DOP1B: variants seen among roughly 807,000 people sequenced by gnomAD.
DOP1B encodes the protein protein DOP1B.
Under a neutral mutation model 233.5 loss-of-function variants are expected in DOP1B, and 174 were observed. The observed-to-expected ratio is 0.75, with a 90% confidence interval of 0.66 to 0.85. The LOEUF is 0.85. Among genes scored for constraint, DOP1B ranks in the 40% least tolerant of loss-of-function variants. The pLI, the probability that DOP1B is intolerant of heterozygous loss-of-function variation, is 0.00. For synonymous variants in DOP1B, 1,190 were observed against 1,185.6 expected (o/e 1.00, Z -0.08); for missense variants, 2,652 against 2,846.6 (o/e 0.93, Z 1.56).
At chr21:36,187,258 C>T (rs1457307093) in intron 2 of DOP1B, among the ~76,000 whole-genome samples, 5 of 117,392 alleles carry the variant, frequency 4.3e-5, no homozygotes, top group South Asian at 6.0e-4. Flanking sequence ...CTGTGGCCAG[C>T]GCCCATTCAT....
chr21:36,174,999 C>T (rs1029570657), intron 2 of DOP1B, among the ~76,000 whole-genome samples: 1 of 152,290 alleles, frequency 6.6e-6, no homozygotes, highest in Non-Finnish European at 1.5e-5. Context: ...ATCAACGTGT[C>T]GGCAGGGTTG....
intron 10 of DOP1B, among the ~76,000 whole-genome samples, chr21:36,222,816 A>G (rs2066641591): frequency 2.0e-5 from 3 of 151,436 alleles, no homozygotes; most frequent in Non-Finnish European, 4.4e-5. Flanking sequence ...GCTCACTGCA[A>G]CCTCCGCCTC....
chr21:36,255,221 C>T (rs1415335649), intron 23 of DOP1B, among the ~76,000 whole-genome samples: 1 of 151,902 alleles, frequency 6.6e-6, no homozygotes, highest in East Asian at 1.9e-4. Flanking sequence ...CAACCCCGCC[C>T]CTGGGGTTCA....
rs145748105 is a variant in DOP1B at position 36,260,035 on chromosome 21, C to T, written c.5260-642C>T. On this transcript the variant is annotated intron_variant, in intron 23 of 36. Transcript: ENST00000691173. ...AGAACTAGAATTTTTTGGCCGGGTG[C>T]GGTGGTTCTACTTGGGAGGCTGAGG... is the stretch of plus-strand genomic sequence containing the variant. Among the ~76,000 whole-genome samples the T allele has an allele frequency of 1.3e-3, 193 of 151,324 alleles. 1 individual carries two copies. Among genetic ancestry groups the T allele is most frequent in the African/African-American group, 4.0e-3 (164 of 41,258 alleles).
At chr21:36,169,980 C>T in intron 2 of DOP1B, 1 of 762,936 alleles carries the variant, frequency 1.3e-6, no homozygotes, top group Non-Finnish European at 2.5e-6. Flanking sequence ...CCTTCACTTT[C>T]ACCTTGGATC....
In DOP1B at chr21:36,206,609, G is replaced by A. The variant is rs112296967; in HGVS notation, c.492-2106G>A. 5.9e-5 allele frequency among the ~76,000 whole-genome samples: 9 copies of A among 152,204 alleles called. 1 individual carries two copies. The highest frequency in any genetic ancestry group is 1.9e-4 in the East Asian group (1 of 5,182). On this transcript the variant is annotated intron_variant, in intron 4 of 36. Transcript: ENST00000691173. ...ATATTGAAGAGACAACATAGGCAGCGTTTCCCATACTTTTTGAGGGTGGAA... is the reference window on the plus strand; with the variant it reads ...ATATTGAAGAGACAACATAGGCAGCATTTCCCATACTTTTTGAGGGTGGAA...
At chr21:36,199,593 G>A (rs144281100) in intron 3 of DOP1B, among the ~76,000 whole-genome samples, 1 of 150,064 alleles carries the variant, frequency 6.7e-6, no homozygotes, top group African/African-American at 2.5e-5. Context: ...CCACTCCCCC[G>A]ACCCCATGAC....
chr21:36,281,978 A>C (rs924381463), intron 32 of DOP1B, among the ~76,000 whole-genome samples: 1 of 152,160 alleles, frequency 6.6e-6, no homozygotes, highest in Non-Finnish European at 1.5e-5. Flanking sequence ...CACTGCCCCC[A>C]CACACAGATA....
At chr21:36,290,580 C>G (rs2067544271) in intron 35 of DOP1B, among the ~76,000 whole-genome samples, 1 of 152,070 alleles carries the variant, frequency 6.6e-6, no homozygotes, top group South Asian at 2.1e-4. Context: ...GGTTGGATCA[C>G]CTGAGTTTGG....
chr21:36,251,382 G>A (rs2123607900), intron 22 of DOP1B, 98 bp downstream of exon 22: 1 of 1,449,358 alleles, frequency 6.9e-7, no homozygotes, highest in Non-Finnish European at 9.2e-7. Flanking sequence ...AGCCAGCATG[G>A]GAAACTATTG....
chr21:36,234,356 GAAGA>G (rs374725428), intron 15 of DOP1B, among the ~76,000 whole-genome samples: 38 of 152,106 alleles, frequency 2.5e-4, no homozygotes, highest in African/African-American at 8.9e-4. Context: ...GGAGAAAAAA[GAAGA>G]AAGAATTGAG....
intron 4 of DOP1B, among the ~76,000 whole-genome samples, chr21:36,202,080 G>C (rs544640482): frequency 1.3e-5 from 2 of 152,114 alleles, no homozygotes. Context: ...CCAGCTACTT[G>C]GGAGGCTGAG....
rs201928999 is a variant in DOP1B at position 36,268,167 on chromosome 21, C to T, written c.5488-1846C>T. On this transcript the variant is annotated intron_variant, in intron 26 of 36. Transcript: ENST00000691173. ...TACTGCAGGAGACCAGGGCGTATCT[C>T]AGTCCTTATCTCAACCGCATAAGAC... is the stretch of plus-strand genomic sequence containing the variant. Among the ~76,000 whole-genome samples, 6 of 152,240 alleles carry T rather than the reference C, an allele frequency of 3.9e-5. No homozygotes were observed. The East Asian group carries it at 1.2e-3, about 29-fold the overall frequency.
chr21:36,182,910 C>G (rs1247941660), intron 2 of DOP1B, among the ~76,000 whole-genome samples: 1 of 152,222 alleles, frequency 6.6e-6, no homozygotes, highest in Non-Finnish European at 1.5e-5. Context: ...TGAGCCCTTG[C>G]AGGAACCAAA....
At chr21:36,199,519 G>A (rs897362250) in intron 3 of DOP1B, among the ~76,000 whole-genome samples, 1 of 151,874 alleles carries the variant, frequency 6.6e-6, no homozygotes, top group Non-Finnish European at 1.5e-5. Flanking sequence ...CATGTGCCAT[G>A]TTGGTGTGCT....
intron 5 of DOP1B, among the ~76,000 whole-genome samples, chr21:36,209,243 T>C (rs571613002): frequency 6.6e-6 from 1 of 152,308 alleles, no homozygotes; most frequent in Admixed American, 6.5e-5. Context: ...TCTCTCAGCC[T>C]CCCGAGTAGC....
At chr21:36,192,509 A>G (rs2123455970) in intron 2 of DOP1B, among the ~76,000 whole-genome samples, 1 of 150,934 alleles carries the variant, frequency 6.6e-6, no homozygotes, top group East Asian at 2.0e-4. Flanking sequence ...CCTCCCAGGT[A>G]GCTAGGACCA....
At position 36,293,866 on chromosome 21, in the gene DOP1B, C is replaced by T. The variant is rs1386711750; in HGVS notation, c.*295C>T. ...GGTGTGGTGGCGGCGCCTGTAATCC[C>T]AGCTACTTGGGAGGCTAAGGCATGA... On this transcript the variant is annotated 3_prime_UTR_variant, in exon 37 of 37. Transcript: ENST00000691173. The T allele has an allele frequency of 3.3e-6, 1 of 302,978 alleles. No individual in the cohort carries two copies. The highest frequency in any genetic ancestry group is 6.3e-6 in the Non-Finnish European group (1 of 159,100). The allele number at this position is 302,978 out of a possible 1,614,324, so 18.8% of individuals were successfully genotyped here.
intron 2 of DOP1B, among the ~76,000 whole-genome samples, chr21:36,165,402 G>A (rs2065900060): frequency 1.3e-5 from 2 of 152,078 alleles, no homozygotes; most frequent in Non-Finnish European, 2.9e-5. Flanking sequence ...ACTTGTGTGT[G>A]TGTGTGCATG....
Sources: gnomAD v4.1 joint callset for allele counts (sites outside exome capture counted in the v4.1 genomes callset) on GRCh38, gnomAD v4.1.1 for gene constraint, MANE v1.5 for transcripts, NCBI Gene and HGNC (gene_info 2026-07-23, HGNC 2026-07-21) for gene names.